CELSR1: variants seen among roughly 807,000 people sequenced by gnomAD.
The protein encoded by CELSR1 is cadherin EGF LAG seven-pass G-type receptor 1.
Under a neutral mutation model 249.1 loss-of-function variants are expected in CELSR1, and 110 were observed. The observed-to-expected ratio is 0.44, with a 90% CI of 0.38 to 0.52. The LOEUF (loss-of-function observed/expected upper bound fraction) is 0.52, where lower values mean the gene tolerates loss of function less well. Among genes scored for constraint, CELSR1 ranks in the 20% least tolerant of loss-of-function variants. The pLI is 0.00. For missense variants in CELSR1, 4,109 were observed against 4,296.4 expected (o/e 0.96, Z 1.22); for synonymous variants, 2,113 against 1,900.0 (o/e 1.11, Z -2.92).
At position 46,386,625 on chromosome 22, in the gene CELSR1, G is replaced by A. The variant is rs768004795; in HGVS notation, c.6556-40C>T. 9 of 1,495,682 alleles carry A rather than the reference G, an allele frequency of 6.0e-6. No homozygotes were observed. In the East Asian group the frequency reaches 2.2e-4, roughly 37 times the overall value. 92.7% of individuals were successfully genotyped at this position (1,495,682 alleles called of 1,614,324 possible). A position where few individuals can be genotyped will look rare whatever the true frequency, so the allele number is the denominator to read the frequency against. ...AGCACTCAGTACTCAGCCTGCGGAG[G>A]CCTGGCTCGTGGGACGGAGGGACAC... On this transcript the variant is annotated intron_variant, in intron 18 of 34. Coordinates refer to ENST00000674500, the MANE Select transcript of CELSR1 (RefSeq NM_001378328.1).
chr22:46,449,980 G>GCTCACACACACTCA (rs2079865001), intron 2 of CELSR1, among the ~76,000 whole-genome samples: 3 of 152,052 alleles, frequency 2.0e-5, no homozygotes, highest in African/African-American at 7.3e-5. Context: ...ACACTCACAT[G>GCTCACACACACTCA]CATGCCCACA....
chr22:46,496,009 C>T (rs1302498406), intron 1 of CELSR1, among the ~76,000 whole-genome samples: 1 of 151,438 alleles, frequency 6.6e-6, no homozygotes, highest in Non-Finnish European at 1.5e-5. Flanking sequence ...CCCTGGCCAA[C>T]ATGGTGAAAC....
chr22:46,377,727 A>G lies in CELSR1; in HGVS notation c.7384-466T>C, dbSNP rs75807774. ...AGGCTGGGTCCTGCTGGGGAGTGACATTTGCCCATGAGACAGGGGCAGAGG... is the reference window on the plus strand; with the variant it reads ...AGGCTGGGTCCTGCTGGGGAGTGACGTTTGCCCATGAGACAGGGGCAGAGG... On this transcript the variant is annotated intron_variant, in intron 23 of 34. Transcript: ENST00000674500. 7.1e-3 allele frequency: 1,322 copies of G among 187,314 alleles called. 16 individuals are homozygous for G. Among genetic ancestry groups the G allele is most frequent in the African/African-American group, 0.028 (1,202 of 42,992 alleles). The allele number at this position is 187,314 out of a possible 1,614,324, so 11.6% of individuals were successfully genotyped here. A position where few individuals can be genotyped will look rare whatever the true frequency, so the allele number is the denominator to read the frequency against.
rs527912141 is a variant in CELSR1 at position 46,384,534 on chromosome 22, C to A, written c.6883+9G>T. 35 of 1,592,268 alleles carry A rather than the reference C, an allele frequency of 2.2e-5. No homozygotes were observed. The Middle Eastern group carries it at 4.0e-3, about 181-fold the overall frequency. Reference sequence around the variant, plus strand: ...CCGAGGGCAGCAGCAGGTTTCTAAGCGGTTTTACCTTTTTCTTCAGGTGGT... The same window carrying A: ...CCGAGGGCAGCAGCAGGTTTCTAAGAGGTTTTACCTTTTTCTTCAGGTGGT... On this transcript the variant is annotated intron_variant, in intron 20 of 34. Coordinates refer to ENST00000674500, the MANE Select transcript of CELSR1 (RefSeq NM_001378328.1).
chr22:46,478,143 C>G (rs1292896074), intron 1 of CELSR1, among the ~76,000 whole-genome samples: 1 of 152,166 alleles, frequency 6.6e-6, no homozygotes, highest in African/African-American at 2.4e-5. Flanking sequence ...CGGGAAGCAC[C>G]GAGCTCAGGG....
intron 2 of CELSR1, among the ~76,000 whole-genome samples, chr22:46,453,038 C>G (rs1410061973): frequency 6.6e-6 from 1 of 152,124 alleles, no homozygotes; most frequent in East Asian, 1.9e-4. Flanking sequence ...GCCTGGCGCC[C>G]CACTGAGCAC....
At chr22:46,498,290 T>C (rs1282438000) in intron 1 of CELSR1, among the ~76,000 whole-genome samples, 1 of 9,702 alleles carries the variant, frequency 1.0e-4, no homozygotes, top group African/African-American at 5.0e-4. Flanking sequence ...AAACTCTGTC[T>C]CAAAAAAAAA....
chr22:46,456,222 C>T (rs990639968), intron 2 of CELSR1, among the ~76,000 whole-genome samples: 8 of 152,356 alleles, frequency 5.3e-5, no homozygotes, highest in East Asian at 1.9e-4. Flanking sequence ...TGCAACCCTG[C>T]GCTAAGCAGA....
intron 3 of CELSR1, among the ~76,000 whole-genome samples, chr22:46,438,770 T>G (rs575820598): frequency 6.6e-6 from 1 of 152,240 alleles, no homozygotes; most frequent in Non-Finnish European, 1.5e-5. Context: ...CTTTTGTGGT[T>G]TTTTTTGAGA....
intron 5 of CELSR1, among the ~76,000 whole-genome samples, chr22:46,425,028 C>G (rs1460393185): frequency 6.6e-6 from 1 of 152,188 alleles, no homozygotes; most frequent in Non-Finnish European, 1.5e-5. Flanking sequence ...TAGTATGGTC[C>G]TTTTGGGGGT....
At chr22:46,505,916 T>C (rs2080510004) in intron 1 of CELSR1, among the ~76,000 whole-genome samples, 1 of 151,998 alleles carries the variant, frequency 6.6e-6, no homozygotes, top group African/African-American at 2.4e-5. Flanking sequence ...TGGTGGCTCA[T>C]GCCTGTAATC....
In CELSR1 at chr22:46,534,441, G is replaced by A; in HGVS notation, c.2730C>T (p.Ser910=). ...SIFEDAPPST[S]ILQVSATDRD... is the part of the protein sequence containing the mutation. ...GGTCCGTGGCAGAGACCTGGAGGAT[G>A]CTGGTCGAGGGTGGAGCATCCTCAA... The change falls in exon 1 of 35, where the codon AGC becomes AGT. Residue 910 remains serine (S), a synonymous_variant. Coordinates refer to ENST00000674500, the MANE Select transcript of CELSR1 (RefSeq NM_001378328.1). This position sits in a 1 kb window ranked among gnomAD's most constrained non-coding sequence, Gnocchi z 9.7. The A allele has an allele frequency of 6.2e-7, 1 of 1,613,014 alleles. No individual in the cohort carries two copies. Among genetic ancestry groups the A allele is most frequent in the Non-Finnish European group, 8.5e-7 (1 of 1,180,016 alleles).
rs556845185 is a variant in CELSR1, at chr22:46,407,754, G to A, written c.5226+1242C>T. Among the ~76,000 whole-genome samples the A allele has an allele frequency of 1.6e-3, 240 of 152,316 alleles. No homozygotes were observed. The highest frequency in any genetic ancestry group is 2.0e-3 in the Non-Finnish European group (138 of 68,032). ...GGCACGGCTCCCACAGGCCACTCCCGTGCCAGGGGATGAGAATTAGGCCTA... is the reference window on the plus strand; with the variant it reads ...GGCACGGCTCCCACAGGCCACTCCCATGCCAGGGGATGAGAATTAGGCCTA... On this transcript the variant is annotated intron_variant, in intron 9 of 34. Transcript: ENST00000674500. This position sits in a 1 kb window ranked among gnomAD's most constrained non-coding sequence, Gnocchi z 4.8.
Position 46,463,736 on chromosome 22 carries a change from T to C in CELSR1, c.4154A>G (p.Tyr1385Cys). The C allele has an allele frequency of 6.5e-7, 1 of 1,537,206 alleles. No individual in the cohort carries two copies. Among genetic ancestry groups the C allele is most frequent in the Non-Finnish European group, 8.7e-7 (1 of 1,143,218 alleles). Reference sequence around the variant, plus strand: ...GAAGTCCTCGAAGCACTCGCAGGTGTAGCCGCCCTCGCGGCTGCGGCAGCG... The same window carrying C: ...GAAGTCCTCGAAGCACTCGCAGGTGCAGCCGCCCTCGCGGCTGCGGCAGCG... ...NGRCRSREGG[Y>C]TCECFEDFTG... Residue 1385 changes from tyrosine to cysteine, a missense_variant, in exon 2 of 35, where the codon TAC becomes TGC. Tyr to Cys is a radical substitution (Grantham distance 194). Around this residue, in one of 7 missense-constraint regions of CELSR1, gnomAD observed 453 missense variants for 492.0 expected, o/e 0.92. Transcript: ENST00000674500.
chr22:46,426,117 G>C (rs1209396252), intron 5 of CELSR1, among the ~76,000 whole-genome samples: 1 of 152,260 alleles, frequency 6.6e-6, no homozygotes, highest in Non-Finnish European at 1.5e-5. Flanking sequence ...GAGTGAGGCA[G>C]AGCAGCAAGG....
At chr22:46,421,031 C>T (rs1282127184) in intron 5 of CELSR1, among the ~76,000 whole-genome samples, 2 of 152,204 alleles carry the variant, frequency 1.3e-5, no homozygotes, top group Admixed American at 1.3e-4. Flanking sequence ...TCCGCCTAAA[C>T]CCGGCCCTCC....
chr22:46,427,444 G>GGA lies in CELSR1; in HGVS notation c.4611+5947_4611+5948dup, dbSNP rs2147406837. ...CCCAGCTACTCAGGAGGCTGAGGCA[G>GGA]GAGAATTGCTTGAACCTGGGAGGCA... On this transcript the variant is annotated intron_variant, in intron 5 of 34. Transcript: ENST00000674500. This position sits in a 1 kb window ranked among gnomAD's most constrained non-coding sequence, Gnocchi z 4.2. Among the ~76,000 whole-genome samples, 1 of 152,338 alleles carries GGA rather than the reference G, an allele frequency of 6.6e-6. No homozygotes were observed. Among genetic ancestry groups the GGA allele is most frequent in the South Asian group, 2.1e-4 (1 of 4,830 alleles).
In CELSR1 at chr22:46,536,926, G is replaced by A; in HGVS notation, c.245C>T (p.Ala82Val). 1 of 1,172,374 alleles carries A rather than the reference G, an allele frequency of 8.5e-7. No homozygotes were observed. Among genetic ancestry groups the A allele is most frequent in the South Asian group, 3.2e-5 (1 of 31,076 alleles). The allele number at this position is 1,172,374 out of a possible 1,614,324, so 72.6% of individuals were successfully genotyped here. The change falls in exon 1 of 35, where the codon GCG becomes GTG. Residue 82 changes from alanine to valine, a missense_variant. By Grantham distance (64) the Ala-to-Val change is moderately conservative. Around this residue, in one of 7 missense-constraint regions of CELSR1, gnomAD observed 673 missense variants for 636.8 expected, o/e 1.06. Coordinates refer to ENST00000674500, the MANE Select transcript of CELSR1 (RefSeq NM_001378328.1). The stretch of plus-strand genomic sequence containing the variant: ...GACTTGCAGCGGCAGCGGGCGCCCC[G>A]CGCCCGAGACGCGCCGACGTCCTGC... ...RLAGRRRVSG[A>V]GRPLPLQVRL...
Position 46,440,820 on chromosome 22 carries a change from A to G in CELSR1, c.4184-1409T>C, listed in dbSNP as rs1246085496. Among the ~76,000 whole-genome samples the G allele has an allele frequency of 6.6e-6, 1 of 151,924 alleles. No individual in the cohort carries two copies. The highest frequency in any genetic ancestry group is 6.6e-5 in the Admixed American group (1 of 15,244). On this transcript the variant is annotated intron_variant, in intron 2 of 34. Transcript: ENST00000674500. The surrounding 1 kb of genome is among the most constrained non-coding windows in gnomAD (Gnocchi z 4.7). ...TGTCTGTATGTGATCATATTTATCC[A>G]TTTTTTTCTTCATGGCTCTGGTCAT...
Sources: gnomAD v4.1 joint callset for allele counts (sites outside exome capture counted in the v4.1 genomes callset) on GRCh38, gnomAD v4.1.1 for gene constraint, gnomAD v4.1.1 regional missense constraint, Gnocchi (gnomAD v3.1) non-coding constraint, MANE v1.5 for transcripts, NCBI Gene and HGNC (gene_info 2026-07-23, HGNC 2026-07-21) for gene names.